The following EXOC6B variants were observed in gnomAD, a reference collection of about 807,000 sequenced individuals.
EXOC6B encodes SEC15 homolog B.
EXOC6B carries 54 observed loss-of-function variants against 113.5 expected under a neutral mutation model. The observed-to-expected ratio is 0.48, with a 90% confidence interval of 0.38 to 0.60. The LOEUF is 0.60. Ranked by LOEUF, EXOC6B falls within the 20% of genes least tolerant of loss-of-function variation. The pLI is 0.00. For synonymous variants in EXOC6B, 357 were observed against 339.0 expected (o/e 1.05, Z -0.58); for missense variants, 797 against 977.5 (o/e 0.82, Z 2.46).
intron 18 of EXOC6B, among the ~76,000 whole-genome samples, chr2:72,422,554 C>T (rs1264819455): frequency 6.6e-6 from 1 of 151,862 alleles, no homozygotes; most frequent in African/African-American, 2.4e-5. Context: ...CCTTGGAAAT[C>T]CTTTATGTCT....
intron 18 of EXOC6B, among the ~76,000 whole-genome samples, chr2:72,404,078 G>A (rs187141711): frequency 8.5e-5 from 13 of 152,298 alleles, no homozygotes; most frequent in East Asian, 5.8e-4. Context: ...CTCCTAGCTC[G>A]GAAGGTCCTA....
chr2:72,279,777 C>A (rs1291728785), intron 20 of EXOC6B, among the ~76,000 whole-genome samples: 2 of 151,840 alleles, frequency 1.3e-5, no homozygotes, highest in East Asian at 1.9e-4. Context: ...CCATACCCAG[C>A]TAATAATATT....
At chr2:72,807,010 G>A (rs1378141685) in intron 1 of EXOC6B, among the ~76,000 whole-genome samples, 1 of 152,128 alleles carries the variant, frequency 6.6e-6, no homozygotes, top group East Asian at 1.9e-4. Context: ...TTAATGCACA[G>A]AAACTCTTTA....
intron 19 of EXOC6B, among the ~76,000 whole-genome samples, chr2:72,364,472 G>C (rs1406566265): frequency 2.0e-5 from 3 of 152,124 alleles, no homozygotes; most frequent in African/African-American, 7.2e-5. Flanking sequence ...AAGTCTGAAA[G>C]GTTATTACAA....
intron 17 of EXOC6B, 117 bp from the exon 18 acceptor site, chr2:72,465,456 C>A: frequency 1.4e-6 from 1 of 728,604 alleles, no homozygotes; most frequent in East Asian, 2.7e-5. Flanking sequence ...ACTGGGAATA[C>A]TGAGCCATAC....
At chr2:72,644,826 G>C (rs979779941) in intron 6 of EXOC6B, among the ~76,000 whole-genome samples, 6 of 152,168 alleles carry the variant, frequency 3.9e-5, no homozygotes, top group Non-Finnish European at 8.8e-5. Flanking sequence ...ACCAGTCACT[G>C]CAAAAACATG....
At chr2:72,532,580 C>A (rs191831437) in intron 8 of EXOC6B, among the ~76,000 whole-genome samples, 1 of 152,022 alleles carries the variant, frequency 6.6e-6, no homozygotes, top group Non-Finnish European at 1.5e-5. Flanking sequence ...GAGGCCGAGG[C>A]GGGCGGATCA....
intron 20 of EXOC6B, among the ~76,000 whole-genome samples, chr2:72,189,265 A>G (rs1450288648): frequency 1.3e-5 from 2 of 152,124 alleles, no homozygotes; most frequent in Non-Finnish European, 2.9e-5. Context: ...ATACTTTTGA[A>G]GAATATAGTT....
intron 6 of EXOC6B, among the ~76,000 whole-genome samples, chr2:72,671,693 C>A (rs369369048): frequency 7.3e-6 from 1 of 137,244 alleles, no homozygotes; most frequent in African/African-American, 2.7e-5. Flanking sequence ...AGCAAAACTC[C>A]GTCAAAAAAG....
At chr2:72,408,840 GGC>G (rs1693973268) in intron 18 of EXOC6B, among the ~76,000 whole-genome samples, 1 of 152,098 alleles carries the variant, frequency 6.6e-6, no homozygotes, top group South Asian at 2.1e-4. Flanking sequence ...CAAAAGCAAT[GGC>G]AGCAAAAGAC....
chr2:72,807,722 T>C (rs975170587), intron 1 of EXOC6B, among the ~76,000 whole-genome samples: 6 of 152,100 alleles, frequency 3.9e-5, no homozygotes, highest in East Asian at 1.9e-4. Flanking sequence ...AGGTCATTTA[T>C]TTGCGGGATC....
intron 19 of EXOC6B, among the ~76,000 whole-genome samples, chr2:72,375,179 T>A (rs373278698): frequency 3.3e-5 from 5 of 152,062 alleles, no homozygotes; most frequent in Non-Finnish European, 4.4e-5. Context: ...ATTAACCTGA[T>A]AAAATGGAAA....
chr2:72,209,223 C>CAAAAAAAAAAAAAAA (rs1170760516), intron 20 of EXOC6B, among the ~76,000 whole-genome samples: 62 of 57,030 alleles, frequency 1.1e-3, no homozygotes, highest in East Asian at 3.0e-3. Flanking sequence ...AACTCAGTCT[C>CAAAAAAAAAAAAAAA]AAAAAAAAAA....
intron 1 of EXOC6B, among the ~76,000 whole-genome samples, chr2:72,790,139 G>C (rs1352910551): frequency 1.3e-5 from 2 of 152,144 alleles, no homozygotes; most frequent in African/African-American, 4.8e-5. Context: ...GTTGAAATGG[G>C]TTGTTCTGAT....
chr2:72,503,357 T>G (rs1164668143), intron 11 of EXOC6B, among the ~76,000 whole-genome samples: 1 of 152,140 alleles, frequency 6.6e-6, no homozygotes, highest in Non-Finnish European at 1.5e-5. Flanking sequence ...ATCCCATACC[T>G]CCATCTCCCA....
rs1031643193 is a variant in EXOC6B, at chr2:72,454,288, G to A, written c.1980+10872C>T. Among the ~76,000 whole-genome samples the A allele has an allele frequency of 1.5e-4, 23 of 152,212 alleles. No individual in the cohort carries two copies. The East Asian group carries it at 4.2e-3, about 28-fold the overall frequency. ...GGAGGCCAAGGCAGGAGGATCACTT[G>A]AGCCCAGAAGTTCAAGACCAACCTG... On this transcript the variant is annotated intron_variant, in intron 18 of 21. Coordinates refer to ENST00000272427, the MANE Select transcript of EXOC6B (RefSeq NM_015189.3).
intron 8 of EXOC6B, among the ~76,000 whole-genome samples, chr2:72,537,167 G>C (rs1261111326): frequency 6.6e-6 from 1 of 151,916 alleles, no homozygotes; most frequent in Non-Finnish European, 1.5e-5. Context: ...ATGGTGGGTA[G>C]TAGTGTGCAT....
intron 18 of EXOC6B, among the ~76,000 whole-genome samples, chr2:72,380,091 A>G (rs116136543): frequency 0.013 from 2,040 of 152,274 alleles, 45 homozygotes; most frequent in African/African-American, 0.047. Flanking sequence ...CTGTAACACT[A>G]AGCTAAAATT....
In EXOC6B at chr2:72,560,541, G is replaced by A. The variant is rs1365172080; in HGVS notation, c.847-1020C>T. Among the ~76,000 whole-genome samples the A allele has an allele frequency of 2.6e-5, 4 of 151,778 alleles. No individual in the cohort carries two copies. The East Asian group carries it at 7.7e-4, about 29-fold the overall frequency. On this transcript the variant is annotated intron_variant, in intron 7 of 21. Coordinates refer to ENST00000272427, the MANE Select transcript of EXOC6B (RefSeq NM_015189.3). ...AAGTAAACCTCATTTCTTCTTTTGG[G>A]GCATAGCTTCTTTACCAAGATACTT...
Sources: allele counts gnomAD v4.1 joint callset (sites outside exome capture counted in the v4.1 genomes callset), GRCh38; gene constraint gnomAD v4.1.1; transcripts MANE v1.5; gene names NCBI Gene and HGNC (gene_info 2026-07-23, HGNC 2026-07-21).